The following NALCN variants were observed in gnomAD, a reference collection of about 807,000 sequenced individuals.
The protein encoded by NALCN is sodium leak channel NALCN.
In NALCN, 111 loss-of-function variants were observed where a neutral mutation model predicts 225.3. The ratio of observed to expected loss-of-function variants is 0.49; its 90% CI spans 0.42 to 0.58. The LOEUF (loss-of-function observed/expected upper bound fraction) is 0.58, where lower values mean the gene tolerates loss of function less well. Among genes scored for constraint, NALCN ranks in the 20% least tolerant of loss-of-function variants. The probability of loss-of-function intolerance (pLI) is 0.00; values close to 1 mark genes in which losing one functional copy is unlikely to be tolerated. For missense variants in NALCN, 1,378 were observed against 2,202.4 expected (o/e 0.63, Z 7.49); for synonymous variants, 764 against 769.0 (o/e 0.99, Z 0.11).
At chr13:101,060,025 C>G in intron 41 of NALCN, 58 bp from the exon 42 acceptor site, 1 of 1,587,484 alleles carries the variant, frequency 6.3e-7, no homozygotes, top group African/African-American at 1.3e-5. Context: ...CCTGCCCCAC[C>G]GCCACACAAA....
intron 7 of NALCN, among the ~76,000 whole-genome samples, chr13:101,322,603 T>C (rs2044784304): frequency 6.6e-6 from 1 of 152,240 alleles, no homozygotes; most frequent in South Asian, 2.1e-4. Flanking sequence ...CTCATATGTT[T>C]AGTTTCATCT....
chr13:101,101,288 T>TC (rs2034806539), intron 26 of NALCN, among the ~76,000 whole-genome samples: 3 of 142,286 alleles, frequency 2.1e-5, no homozygotes, highest in African/African-American at 7.7e-5. Flanking sequence ...TTTCTTTTTT[T>TC]TTTTTTTTTT....
chr13:101,250,884 T>C (rs956741381), intron 11 of NALCN, among the ~76,000 whole-genome samples: 2 of 151,432 alleles, frequency 1.3e-5, no homozygotes, highest in African/African-American at 2.4e-5. Context: ...GAAGAGGAAA[T>C]TCAGGGCTGA....
At chr13:101,203,693 A>G (rs2040212369) in intron 13 of NALCN, among the ~76,000 whole-genome samples, 1 of 152,206 alleles carries the variant, frequency 6.6e-6, no homozygotes, top group South Asian at 2.1e-4. Context: ...TCATCTTTGA[A>G]GTACACGATA....
intron 7 of NALCN, among the ~76,000 whole-genome samples, chr13:101,343,832 GA>G (rs1274038075): frequency 1.3e-5 from 2 of 152,172 alleles, no homozygotes; most frequent in Non-Finnish European, 2.9e-5. Flanking sequence ...GAATCAACTT[GA>G]ATATAATGCT....
chr13:101,055,491 G>A lies in NALCN; in HGVS notation c.5024-3C>T, dbSNP rs1393530431. On this transcript the variant is annotated splice_region_variant and splice_polypyrimidine_tract_variant and intron_variant, in intron 43 of 43. Transcript: ENST00000251127. ...TGAATGGCTTATTGGTTTTGGGGCT[G>A]TGGAATTAATGAGTCCTATGAGCCA... 6.2e-7 allele frequency: 1 copy of A among 1,613,304 alleles called. No homozygotes were observed. The highest frequency in any genetic ancestry group is 8.5e-7 in the Non-Finnish European group (1 of 1,179,586).
chr13:101,314,481 T>C (rs2044479625), intron 7 of NALCN, among the ~76,000 whole-genome samples: 1 of 152,166 alleles, frequency 6.6e-6, no homozygotes, highest in African/African-American at 2.4e-5. Context: ...ATGCTTATTC[T>C]ATGGCAGATG....
chr13:101,258,053 C>T (rs911770403), intron 11 of NALCN, among the ~76,000 whole-genome samples: 3 of 152,136 alleles, frequency 2.0e-5, no homozygotes, highest in Non-Finnish European at 2.9e-5. Flanking sequence ...CAGCCCTCTT[C>T]TACGTATTGC....
intron 27 of NALCN, among the ~76,000 whole-genome samples, chr13:101,097,917 A>T (rs1027030879): frequency 3.3e-5 from 5 of 152,176 alleles, no homozygotes; most frequent in Non-Finnish European, 7.4e-5. Context: ...AGGTAATCTA[A>T]TCTTCATAAT....
At chr13:101,145,839 G>A (rs1186795757) in intron 15 of NALCN, among the ~76,000 whole-genome samples, 4 of 152,110 alleles carry the variant, frequency 2.6e-5, no homozygotes, top group Non-Finnish European at 5.9e-5. Context: ...AAGAGTACAT[G>A]TAATTCAGGC....
intron 10 of NALCN, among the ~76,000 whole-genome samples, chr13:101,283,298 G>A (rs1351646844): frequency 6.6e-6 from 1 of 152,162 alleles, no homozygotes; most frequent in African/African-American, 2.4e-5. Flanking sequence ...CTGAAGAAGA[G>A]ATAAAGGAGT....
At chr13:101,265,878 A>T (rs1282451013) in intron 10 of NALCN, among the ~76,000 whole-genome samples, 1 of 152,232 alleles carries the variant, frequency 6.6e-6, no homozygotes, top group African/African-American at 2.4e-5. Context: ...AAAGAGTGAC[A>T]GCAGCTTCCT....
intron 18 of NALCN, among the ~76,000 whole-genome samples, chr13:101,118,480 C>T (rs1355919926): frequency 6.6e-6 from 1 of 152,032 alleles, no homozygotes; most frequent in Non-Finnish European, 1.5e-5. Context: ...TAAATCTTTA[C>T]TATTTTATGT....
chr13:101,092,601 T>C (rs2034293676), intron 28 of NALCN, among the ~76,000 whole-genome samples: 1 of 152,330 alleles, frequency 6.6e-6, no homozygotes, highest in East Asian at 1.9e-4. Context: ...CTGGTCCTTC[T>C]CTTTGGCCCT....
intron 6 of NALCN, among the ~76,000 whole-genome samples, chr13:101,346,087 C>CTCTCTCTATATATATATATATATATATA: frequency 7.0e-5 from 5 of 70,970 alleles, no homozygotes; most frequent in Admixed American, 2.0e-4. Context: ...CTCTCTCTCT[C>CTCTCTCTATATATATATATATATATATA]TATATATATA....
At chr13:101,093,749 G>T (rs114258939) in intron 28 of NALCN, among the ~76,000 whole-genome samples, 2 of 152,060 alleles carry the variant, frequency 1.3e-5, no homozygotes, top group African/African-American at 4.8e-5. Context: ...TGAATTCTTG[G>T]GGAGGTCCCA....
At position 101,345,108 on chromosome 13, in the gene NALCN, G is replaced by A. The variant is rs114132146; in HGVS notation, c.799+158C>T. 6.1e-4 allele frequency among the ~76,000 whole-genome samples: 93 copies of A among 152,228 alleles called. 1 individual carries two copies. Among genetic ancestry groups the A allele is most frequent in the African/African-American group, 2.1e-3 (87 of 41,524 alleles). On this transcript the variant is annotated intron_variant, in intron 7 of 43. Transcript: ENST00000251127. ...CTTGTATGCTACGCACTGTCGGGTA[G>A]AATATATTATAAAATAGGCATAGAA...
At chr13:101,221,208 T>A (rs1432584338) in intron 13 of NALCN, among the ~76,000 whole-genome samples, 1 of 152,068 alleles carries the variant, frequency 6.6e-6, no homozygotes, top group Non-Finnish European at 1.5e-5. Context: ...AACCTCTGAC[T>A]CCCTGGTTCA....
chr13:101,113,363 A>G (rs2035545216), intron 18 of NALCN, among the ~76,000 whole-genome samples: 1 of 152,188 alleles, frequency 6.6e-6, no homozygotes, highest in Non-Finnish European at 1.5e-5. Flanking sequence ...CAGGTATAGA[A>G]AGATTCCCAT....
Sources: gnomAD v4.1 joint callset for allele counts (sites outside exome capture counted in the v4.1 genomes callset) on GRCh38, gnomAD v4.1.1 for gene constraint, MANE v1.5 for transcripts, NCBI Gene and HGNC (gene_info 2026-07-23, HGNC 2026-07-21) for gene names.